SPTBN1: variants seen among roughly 807,000 people sequenced by gnomAD.
SPTBN1 encodes spectrin beta chain, non-erythrocytic 1.
SPTBN1 carries 32 observed loss-of-function variants against 266.4 expected under a neutral mutation model. The observed-to-expected ratio is 0.12, with a 90% CI of 0.09 to 0.16. The LOEUF is 0.16. Among genes scored for constraint, SPTBN1 ranks in the 10% least tolerant of loss-of-function variants. SPTBN1 has a pLI of 1.00. For missense variants in SPTBN1, 2,296 were observed against 3,067.1 expected, an observed-to-expected ratio of 0.75 and a Z score of 5.94; for synonymous variants, 1,336 against 1,162.2, an observed-to-expected ratio of 1.15 and a Z score of -3.04.
At chr2:54,479,317 T>A (rs1349935224) in intron 1 of SPTBN1, among the ~76,000 whole-genome samples, 4 of 152,066 alleles carry the variant, frequency 2.6e-5, no homozygotes, top group African/African-American at 4.8e-5. Flanking sequence ...AAATCTAAGG[T>A]ATGATTGGTA....
intron 31 of SPTBN1, 53 bp from the exon 32 acceptor site, chr2:54,659,883 C>G (rs539107985): frequency 6.3e-7 from 1 of 1,581,036 alleles, no homozygotes; most frequent in African/African-American, 1.4e-5. Flanking sequence ...TTACTGTTTC[C>G]TCTTTCTCCT....
chr2:54,663,879 C>G (rs541710066), intron 32 of SPTBN1: 1 of 152,182 alleles, frequency 6.6e-6, no homozygotes, highest in South Asian at 2.1e-4. Context: ...GCATGATTGT[C>G]GTCCTAATTT....
chr2:54,568,894 A>T (rs774931180), intron 2 of SPTBN1, among the ~76,000 whole-genome samples: 1 of 152,174 alleles, frequency 6.6e-6, no homozygotes, highest in African/African-American at 2.4e-5. Context: ...GCCACACTTC[A>T]TCTTAGTAGA....
At chr2:54,597,078 A>T (rs1430303973) in intron 2 of SPTBN1, among the ~76,000 whole-genome samples, 3 of 152,166 alleles carry the variant, frequency 2.0e-5, no homozygotes, top group Admixed American at 1.3e-4. Context: ...TTTCATTTTG[A>T]TCTTGCTCCC....
chr2:54,491,603 CTT>C (rs968059010), intron 1 of SPTBN1, among the ~76,000 whole-genome samples: 1 of 148,540 alleles, frequency 6.7e-6, no homozygotes, highest in Non-Finnish European at 1.5e-5. Context: ...ATTTCTCTCT[CTT>C]TTTTTTTTGG....
chr2:54,558,509 C>T lies in SPTBN1; in HGVS notation c.148+31943C>T. On this transcript the variant is annotated intron_variant, in intron 2 of 35. Coordinates refer to ENST00000356805, the MANE Select transcript of SPTBN1 (RefSeq NM_003128.3). This position sits in a 1 kb window ranked among gnomAD's most constrained non-coding sequence, Gnocchi z 4.6. ...CGCCTCCTCTCTGCTTCTCCCTCCT[C>T]CTCAGTAATTTATTTCGAGCTTCCA... 1 of 1,219,266 alleles carries T rather than the reference C, an allele frequency of 8.2e-7. No individual in the cohort carries two copies. The highest frequency in any genetic ancestry group is 2.7e-5 in the South Asian group (1 of 37,408). The allele number at this position is 1,219,266 out of a possible 1,614,324, so 75.5% of individuals were successfully genotyped here.
chr2:54,662,423 A>G, intron 32 of SPTBN1: 1 of 689,776 alleles, frequency 1.4e-6, no homozygotes, highest in Non-Finnish European at 1.8e-6. Context: ...TTGCTGCAGA[A>G]TTATCCTCAG....
At chr2:54,476,307 C>CA (rs529248909) in intron 1 of SPTBN1, among the ~76,000 whole-genome samples, 62 of 151,956 alleles carry the variant, frequency 4.1e-4, no homozygotes, top group Non-Finnish European at 7.5e-4. Context: ...CATGTAGCCA[C>CA]AAAAAGAAGA....
At chr2:54,486,604 G>A (rs1270465851) in intron 1 of SPTBN1, among the ~76,000 whole-genome samples, 2 of 151,994 alleles carry the variant, frequency 1.3e-5, no homozygotes, top group Non-Finnish European at 2.9e-5. Flanking sequence ...AGGGTCCTCT[G>A]CCTAGGAAAA....
At chr2:54,620,146 G>A (rs910751115) in intron 7 of SPTBN1, among the ~76,000 whole-genome samples, 21 of 152,212 alleles carry the variant, frequency 1.4e-4, no homozygotes, top group African/African-American at 4.1e-4. Flanking sequence ...ACAGCACAGC[G>A]GGAATGTGGT....
chr2:54,659,542 C>G (rs1400894960), intron 31 of SPTBN1, among the ~76,000 whole-genome samples: 3 of 152,154 alleles, frequency 2.0e-5, no homozygotes, highest in Non-Finnish European at 4.4e-5. Flanking sequence ...TCAGAACTTC[C>G]ATATGATTAA....
At chr2:54,631,720 A>G (rs1490617538) in intron 16 of SPTBN1, 109 bp downstream of exon 16, 2 of 1,372,382 alleles carry the variant, frequency 1.5e-6, no homozygotes, top group Non-Finnish European at 2.0e-6. Context: ...ATGGAATTAT[A>G]TGGATAATTT....
rs1015316695 is a variant in SPTBN1 at position 54,468,592 on chromosome 2, T to A, written c.-48+12074T>A. ...CTGGTCTATAGTTAAAGCTGTAGCATGAACACTATCTGTTGCCCTGAGCTG... is the reference window on the plus strand; with the variant it reads ...CTGGTCTATAGTTAAAGCTGTAGCAAGAACACTATCTGTTGCCCTGAGCTG... On this transcript the variant is annotated intron_variant, in intron 1 of 35. Coordinates refer to ENST00000356805, the MANE Select transcript of SPTBN1 (RefSeq NM_003128.3). Among the ~76,000 whole-genome samples, 7 of 152,216 alleles carry A rather than the reference T, an allele frequency of 4.6e-5. No individual in the cohort carries two copies. The East Asian group carries it at 1.3e-3, about 29-fold the overall frequency.
Position 54,626,340 on chromosome 2 carries a change from C to T in SPTBN1, c.1644+106C>T. 7.4e-7 allele frequency: 1 copy of T among 1,351,936 alleles called. No individual in the cohort carries two copies. Among genetic ancestry groups the T allele is most frequent in the Non-Finnish European group, 1.0e-6 (1 of 1,001,650 alleles). The allele number at this position is 1,351,936 out of a possible 1,614,324, so 83.7% of individuals were successfully genotyped here. On this transcript the variant is annotated intron_variant, in intron 12 of 35. Transcript: ENST00000356805. The surrounding 1 kb of genome is among the most constrained non-coding windows in gnomAD (Gnocchi z 4.7). ...ACGTACAGCTGTGTGCCTTGTCTAA[C>T]TGCCCACATGTACAGCTAGAGAGGA... is the stretch of plus-strand genomic sequence containing the variant.
In SPTBN1 at chr2:54,629,255, G is replaced by C. The variant is rs1678566467; in HGVS notation, c.2121G>C (p.Glu707Asp). 1 of 1,614,056 alleles carries C rather than the reference G, an allele frequency of 6.2e-7. No homozygotes were observed. The highest frequency in any genetic ancestry group is 1.7e-5 in the Admixed American group (1 of 60,038). ...AGGAAGGCGAAGACATGATCGCGGA[G>C]GAGCACTTCGGGTCGGAGAAGATCC... The part of the protein sequence containing the change: ...AIKEGEDMIA[E>D]EHFGSEKIRE... Residue 707 changes from glutamate to aspartate, a missense_variant, in exon 14 of 36, where the codon GAG becomes GAC. By Grantham distance (45) the Glu-to-Asp change is conservative (BLOSUM62 2). This residue lies in a region of SPTBN1 where 434 missense variants were observed against 573.9 expected (regional missense o/e 0.76). Coordinates refer to ENST00000356805, the MANE Select transcript of SPTBN1 (RefSeq NM_003128.3).
chr2:54,580,949 T>A (rs1674853830), intron 2 of SPTBN1, among the ~76,000 whole-genome samples: 1 of 151,864 alleles, frequency 6.6e-6, no homozygotes, highest in African/African-American at 2.4e-5. Context: ...AATACAAAAA[T>A]TAGCCATGCA....
rs1679886215 is a variant in SPTBN1, at chr2:54,645,761, G to T, written c.4495-167G>T. ...GGTAGAGTTGGAAAGACTCTCCCTA[G>T]CCCTGTCTCGGAGAACAAGGGCGTG... On this transcript the variant is annotated intron_variant, in intron 21 of 35. Transcript: ENST00000356805. The surrounding 1 kb of genome is among the most constrained non-coding windows in gnomAD (Gnocchi z 4.3). 6.6e-6 allele frequency among the ~76,000 whole-genome samples: 1 copy of T among 152,208 alleles called. No homozygotes were observed. Among genetic ancestry groups the T allele is most frequent in the Non-Finnish European group, 1.5e-5 (1 of 68,034 alleles).
chr2:54,667,966 G>A (rs1312464708), intron 35 of SPTBN1, among the ~76,000 whole-genome samples: 2 of 152,192 alleles, frequency 1.3e-5, no homozygotes, highest in Non-Finnish European at 2.9e-5. Context: ...CCCTTCGCCA[G>A]CAGCCAGCTG....
At position 54,664,649 on chromosome 2, in the gene SPTBN1, G is replaced by A. The variant is rs1329785256; in HGVS notation, c.6617G>A (p.Arg2206Gln). Residue 2206 changes from arginine to glutamine, a missense_variant, in exon 33 of 36, where the codon CGG becomes CAG. Transcript: ENST00000356805. The surrounding 1 kb of genome is among the most constrained non-coding windows in gnomAD (Gnocchi z 5.6). ...PSAQMEGFLN[R>Q]KHEWEAHNKK... ...GCCCAGATGGAAGGCTTCCTCAATC[G>A]GAAACACGAGTGGGAGGCCCACAAT... The A allele has an allele frequency of 6.2e-7, 1 of 1,614,126 alleles. No homozygotes were observed. Among genetic ancestry groups the A allele is most frequent in the Non-Finnish European group, 8.5e-7 (1 of 1,180,030 alleles).
Sources: allele counts gnomAD v4.1 joint callset (sites outside exome capture counted in the v4.1 genomes callset), GRCh38; gene constraint gnomAD v4.1.1; regional missense constraint gnomAD v4.1.1; non-coding constraint Gnocchi (gnomAD v3.1); transcripts MANE v1.5; gene names NCBI Gene and HGNC (gene_info 2026-07-23, HGNC 2026-07-21).